CD163L1: variants seen among roughly 807,000 people sequenced by gnomAD.
CD163L1 encodes the protein CD163 molecule like 1.
Under a neutral mutation model 165.4 loss-of-function variants are expected in CD163L1, and 124 were observed. The observed-to-expected ratio is 0.75, with a 90% CI of 0.65 to 0.87. The LOEUF is 0.87. CD163L1 is among the 40% of genes least tolerant of loss of function. The pLI, the probability that CD163L1 is intolerant of heterozygous loss-of-function variation, is 0.00. For missense variants in CD163L1, 1,525 were observed against 1,799.9 expected (o/e 0.85, Z 2.76); for synonymous variants, 585 against 662.2 (o/e 0.88, Z 1.79).
rs1260897216 is a variant in CD163L1, at chr12:7,347,114, C to T, written c.*58G>A. On this transcript the variant is annotated 3_prime_UTR_variant, in exon 5 of 5. Coordinates refer to the CD163L1 transcript ENST00000539726. This position sits in a 1 kb window ranked among gnomAD's most constrained non-coding sequence, Gnocchi z 4.2. ...ATGGTGAGTTTTCAACTTGCTGGGTCAGGAGGGCTTAACATCACCCACATA... is the reference window on the plus strand; with the variant it reads ...ATGGTGAGTTTTCAACTTGCTGGGTTAGGAGGGCTTAACATCACCCACATA... The T allele has an allele frequency of 1.3e-5, 2 of 152,206 alleles. No homozygotes were observed. Among genetic ancestry groups the T allele is most frequent in the African/African-American group, 4.8e-5 (2 of 41,460 alleles). 9.4% of individuals were successfully genotyped at this position (152,206 alleles called of 1,614,324 possible). A position where few individuals can be genotyped will look rare whatever the true frequency, so the allele number is the denominator to read the frequency against.
the CD163L1 span, chr12:7,326,914 T>C: frequency 6.7e-7 from 1 of 1,501,864 alleles, no homozygotes; most frequent in Non-Finnish European, 8.9e-7. Flanking sequence ...TCAGCATTTG[T>C]TGCAAATCCT....
At chr12:7,425,813 A>G (rs984488466) in intron 4 of CD163L1, among the ~76,000 whole-genome samples, 1 of 152,010 alleles carries the variant, frequency 6.6e-6, no homozygotes, top group East Asian at 1.9e-4. Context: ...ATCATTAAAA[A>G]CTCTGGAAAC....
rs1357045047 is a variant in CD163L1 at position 7,384,563 on chromosome 12, T to G, written c.2051-5265A>C. 3.3e-5 allele frequency among the ~76,000 whole-genome samples: 5 copies of G among 152,112 alleles called. No homozygotes were observed. The South Asian group carries it at 8.3e-4, about 25-fold the overall frequency. On this transcript the variant is annotated intron_variant, in intron 8 of 19. Coordinates refer to ENST00000313599, the MANE Select transcript of CD163L1 (RefSeq NM_174941.6). ...AATACAAGAAAAAGATGGCCACTCA[T>G]GTGTGCAAGGAAACCCAGATCAGAT...
At chr12:7,380,655 A>G (rs1947386295) in intron 8 of CD163L1, among the ~76,000 whole-genome samples, 1 of 152,146 alleles carries the variant, frequency 6.6e-6, no homozygotes, top group Non-Finnish European at 1.5e-5. Flanking sequence ...TTTGAGGAAG[A>G]AAAGACTACA....
At chr12:7,406,962 T>A (rs1948034660) in intron 4 of CD163L1, 110 bp from the exon 5 acceptor site, 1 of 979,462 alleles carries the variant, frequency 1.0e-6, no homozygotes, top group Non-Finnish European at 1.5e-6. Context: ...TGAGATTCAA[T>A]GAATGTCTAA....
the CD163L1 span, among the ~76,000 whole-genome samples, chr12:7,325,999 T>G: frequency 6.6e-6 from 1 of 152,154 alleles, no homozygotes; most frequent in African/African-American, 2.4e-5. Context: ...GTTCTTATTC[T>G]CTCAATATAA....
At chr12:7,327,978 C>A in the CD163L1 span, among the ~76,000 whole-genome samples, 1 of 152,068 alleles carries the variant, frequency 6.6e-6, no homozygotes. Context: ...GCTGTAATCT[C>A]CATTTCTCGG....
At chr12:7,408,370 AAGAC>A (rs1390774469) in intron 4 of CD163L1, among the ~76,000 whole-genome samples, 2 of 151,864 alleles carry the variant, frequency 1.3e-5, no homozygotes, top group Admixed American at 1.3e-4. Context: ...CACTCATTGA[AAGAC>A]AGTTAGTCAC....
chr12:7,368,039 T>G lies in CD163L1; in HGVS notation c.4183+48A>C, dbSNP rs774662991. ...CAAGAATCCCCCATCCTGTGTGCCC[T>G]TGGTGGCAGGTAACTCACATTTTAT... On this transcript the variant is annotated intron_variant, in intron 17 of 19. Coordinates refer to ENST00000313599, the MANE Select transcript of CD163L1 (RefSeq NM_174941.6). This position sits in a 1 kb window ranked among gnomAD's most constrained non-coding sequence, Gnocchi z 4.3. The G allele has an allele frequency of 9.3e-7, 1 of 1,075,224 alleles. No homozygotes were observed. Among genetic ancestry groups the G allele is most frequent in the Admixed American group, 1.7e-5 (1 of 57,506 alleles). The allele number at this position is 1,075,224 out of a possible 1,614,324, so 66.6% of individuals were successfully genotyped here. A position where few individuals can be genotyped will look rare whatever the true frequency, so the allele number is the denominator to read the frequency against.
chr12:7,361,447 G>A (rs1373665725), intron 18 of CD163L1, among the ~76,000 whole-genome samples: 1 of 152,140 alleles, frequency 6.6e-6, no homozygotes, highest in African/African-American at 2.4e-5. Flanking sequence ...CAAACTATTT[G>A]CATAACAGGG....
chr12:7,407,341 A>G (rs1222798671), intron 4 of CD163L1, among the ~76,000 whole-genome samples: 1 of 152,122 alleles, frequency 6.6e-6, no homozygotes, highest in Non-Finnish European at 1.5e-5. Context: ...ACTTCTTGCA[A>G]TATAACTTCC....
chr12:7,341,052 T>G, the CD163L1 span, among the ~76,000 whole-genome samples: 7 of 152,214 alleles, frequency 4.6e-5, no homozygotes, highest in East Asian at 1.3e-3. Context: ...TGCTAAAATA[T>G]GGACATATTT....
rs1306271486 is a variant in CD163L1, at chr12:7,392,213, CAACA to C, written c.2050+3878_2050+3881del. On this transcript the variant is annotated intron_variant, in intron 8 of 19. Transcript: ENST00000313599. The stretch of plus-strand genomic sequence containing the variant: ...AGCAAATGTAAAAGAACAGAAATCA[CAACA>C]AACAGTCTCTCAGACCACAGCGCAA... 8.6e-5 allele frequency among the ~76,000 whole-genome samples: 13 copies of C among 152,036 alleles called. No individual in the cohort carries two copies. In the East Asian group the frequency reaches 1.7e-3, roughly 20 times the overall value.
intron 8 of CD163L1, among the ~76,000 whole-genome samples, chr12:7,385,406 T>C (rs1283965199): frequency 6.6e-6 from 1 of 152,024 alleles, no homozygotes; most frequent in Non-Finnish European, 1.5e-5. Flanking sequence ...TCAATTACAA[T>C]AATAGTTGGC....
chr12:7,442,325 A>C (rs1212474758), intron 1 of CD163L1, among the ~76,000 whole-genome samples: 2 of 152,228 alleles, frequency 1.3e-5, no homozygotes, highest in African/African-American at 4.8e-5. Context: ...AACAGTACCC[A>C]TCGGGGAAAG....
chr12:7,324,329 C>T, the CD163L1 span: 2 of 1,613,906 alleles, frequency 1.2e-6, no homozygotes, highest in Non-Finnish European at 1.7e-6. Flanking sequence ...TCACTGGAGA[C>T]AGAGGAGTGA....
At chr12:7,393,996 C>A (rs372088877) in intron 8 of CD163L1, among the ~76,000 whole-genome samples, 1 of 151,720 alleles carries the variant, frequency 6.6e-6, no homozygotes, top group Middle Eastern at 3.2e-3. Context: ...CCATACTGCC[C>A]AAGGTAATTT....
intron 2 of CD163L1, among the ~76,000 whole-genome samples, chr12:7,436,507 C>T (rs1361086401): frequency 1.3e-5 from 2 of 152,100 alleles, no homozygotes; most frequent in African/African-American, 4.8e-5. Flanking sequence ...TGCCATGGCT[C>T]ATGTCTGTAA....
chr12:7,382,789 G>A (rs1161382277), intron 8 of CD163L1, among the ~76,000 whole-genome samples: 1 of 152,134 alleles, frequency 6.6e-6, no homozygotes, highest in Non-Finnish European at 1.5e-5. Context: ...ATCCTGTCCT[G>A]GGCCCCAGTA....
Sources: gnomAD v4.1 joint callset for allele counts (sites outside exome capture counted in the v4.1 genomes callset) on GRCh38, gnomAD v4.1.1 for gene constraint, Gnocchi (gnomAD v3.1) non-coding constraint, MANE v1.5 for transcripts, NCBI Gene and HGNC (gene_info 2026-07-23, HGNC 2026-07-21) for gene names.